RAPGEF4: variants seen among roughly 807,000 people sequenced by gnomAD.
RAPGEF4 encodes the protein Rap guanine nucleotide exchange factor 4.
A neutral mutation model predicts 147.9 loss-of-function variants in RAPGEF4; 66 were observed. The ratio of observed to expected loss-of-function variants is 0.45; its 90% CI spans 0.37 to 0.55. The LOEUF is 0.55. Ranked by LOEUF, RAPGEF4 falls within the 20% of genes least tolerant of loss-of-function variation. The probability of loss-of-function intolerance (pLI) is 0.00; values close to 1 mark genes in which losing one functional copy is unlikely to be tolerated. For missense variants in RAPGEF4, 1,071 were observed against 1,257.3 expected, an observed-to-expected ratio of 0.85 and a Z score of 2.24; for synonymous variants, 419 against 442.7, an observed-to-expected ratio of 0.95 and a Z score of 0.67.
At chr2:172,757,303 G>A (rs968329946) in intron 1 of RAPGEF4, among the ~76,000 whole-genome samples, 21 of 152,306 alleles carry the variant, frequency 1.4e-4, no homozygotes, top group Admixed American at 9.1e-4. Context: ...AGCATACTGA[G>A]TATCATTTTT....
intron 4 of RAPGEF4, among the ~76,000 whole-genome samples, chr2:172,886,078 T>G (rs979178005): frequency 6.6e-6 from 1 of 152,214 alleles, no homozygotes; most frequent in Non-Finnish European, 1.5e-5. Flanking sequence ...ATTTGCACTC[T>G]TTTGTTTACC....
intron 15 of RAPGEF4, 71 bp from the exon 16 acceptor site, chr2:172,996,395 A>T: frequency 6.2e-6 from 5 of 805,898 alleles, no homozygotes; most frequent in Non-Finnish European, 5.8e-6. Context: ...AAAAAAACTT[A>T]GATAAGTAAA....
chr2:172,814,182 GT>G, intron 3 of RAPGEF4, 96 bp from the exon 4 acceptor site: 1 of 1,261,862 alleles, frequency 7.9e-7, no homozygotes, highest in Non-Finnish European at 1.1e-6. Context: ...TAAATTGGGT[GT>G]TTTGCCTTGT....
intron 4 of RAPGEF4, among the ~76,000 whole-genome samples, chr2:172,843,102 G>A (rs909644725): frequency 2.6e-5 from 4 of 152,180 alleles, no homozygotes; most frequent in Non-Finnish European, 4.4e-5. Context: ...GTGCAGGATC[G>A]TTGGAGGTGG....
At chr2:172,790,741 C>G (rs1685728384) in intron 1 of RAPGEF4, among the ~76,000 whole-genome samples, 1 of 152,178 alleles carries the variant, frequency 6.6e-6, no homozygotes, top group Non-Finnish European at 1.5e-5. Flanking sequence ...ATTCATGTCT[C>G]AACATGTGCT....
intron 3 of RAPGEF4, among the ~76,000 whole-genome samples, chr2:172,801,664 G>C (rs573514560): frequency 6.6e-6 from 1 of 152,166 alleles, no homozygotes; most frequent in African/African-American, 2.4e-5. Context: ...TAAAGCTGCT[G>C]GGTATCTGGG....
intron 4 of RAPGEF4, among the ~76,000 whole-genome samples, chr2:172,906,281 A>G (rs1699620878): frequency 6.6e-6 from 1 of 152,206 alleles, no homozygotes; most frequent in Non-Finnish European, 1.5e-5. Context: ...CTAGTGGAAC[A>G]TAATGAATGG....
chr2:172,993,845 A>G (rs1239285329), intron 15 of RAPGEF4, among the ~76,000 whole-genome samples: 2 of 152,184 alleles, frequency 1.3e-5, no homozygotes, highest in Admixed American at 6.5e-5. Flanking sequence ...TAAGGTGGCC[A>G]CAGCAACTGT....
intron 4 of RAPGEF4, among the ~76,000 whole-genome samples, chr2:172,861,218 G>A (rs1378494782): frequency 1.3e-5 from 2 of 152,152 alleles, no homozygotes; most frequent in African/African-American, 2.4e-5. Flanking sequence ...CAAGAGCGAA[G>A]CAAGATGGAA....
At chr2:172,978,589 C>A (rs754588618) in intron 10 of RAPGEF4, among the ~76,000 whole-genome samples, 8 of 152,200 alleles carry the variant, frequency 5.3e-5, no homozygotes, top group Non-Finnish European at 8.8e-5. Flanking sequence ...GGGGCCTGAC[C>A]AAGTGGTGGG....
chr2:173,001,382 G>A lies in RAPGEF4; in HGVS notation c.1658+38G>A, dbSNP rs189542183. On this transcript the variant is annotated intron_variant, in intron 17 of 30. Coordinates refer to ENST00000397081, the MANE Select transcript of RAPGEF4 (RefSeq NM_007023.4). ...TGTGATTGTAAGTCCCTATTCCCTC[G>A]AAGACAACCCCCCCTATCGAGGGCC... 1,399 of 1,611,028 alleles carry A rather than the reference G, an allele frequency of 8.7e-4. 6 individuals carry two copies. The highest frequency in any genetic ancestry group is 4.5e-3 in the Middle Eastern group (27 of 6,052).
intron 4 of RAPGEF4, among the ~76,000 whole-genome samples, chr2:172,832,607 G>A (rs181280596): frequency 6.6e-6 from 1 of 152,138 alleles, no homozygotes; most frequent in African/African-American, 2.4e-5. Flanking sequence ...CATGCAGAAT[G>A]ACCCAAACTA....
At chr2:172,743,536 G>T (rs191756882) in intron 1 of RAPGEF4, among the ~76,000 whole-genome samples, 1 of 152,234 alleles carries the variant, frequency 6.6e-6, no homozygotes, top group African/African-American at 2.4e-5. Context: ...TTGTCTGTTG[G>T]ATATTCCCAC....
intron 4 of RAPGEF4, among the ~76,000 whole-genome samples, chr2:172,821,402 G>A (rs16860929): frequency 0.01 from 1,557 of 152,238 alleles, 29 homozygotes; most frequent in African/African-American, 0.035. Flanking sequence ...TCAGGAGCCC[G>A]AGCTTACTTT....
At chr2:173,016,293 G>A in intron 18 of RAPGEF4, 56 bp from the exon 19 acceptor site, 2 of 1,251,534 alleles carry the variant, frequency 1.6e-6, no homozygotes, top group Admixed American at 1.7e-5. Context: ...GCTCTTGACA[G>A]AATCATGTGC....
Position 172,990,919 on chromosome 2 carries a change from A to C in RAPGEF4, c.1484A>C (p.Gln495Pro), listed in dbSNP as rs1692769205. Residue 495 changes from glutamine to proline, a missense_variant, in exon 15 of 31, where the codon CAG becomes CCG. Transcript: ENST00000397081. ...RASNQGNSQPQQKYTVMSGTP... is the reference protein window; with the variant it reads ...RASNQGNSQPPQKYTVMSGTP... ...TCTAATCAAGGAAACTCACAGCCTC[A>C]GCAAAAGTATGTTTGCATCCAACAC... 6.2e-7 allele frequency: 1 copy of C among 1,610,758 alleles called. No individual in the cohort carries two copies.
At position 172,965,626 on chromosome 2, in the gene RAPGEF4, C is replaced by T. The variant is rs749058892; in HGVS notation, c.763C>T (p.Arg255Trp). ...MMQQTPCVHS[R>W]TQAVGMWQVL... is the part of the protein sequence containing the mutation. ...GCAGCAGACACCATGTGTTCACTCC[C>T]GGACTCAAGCTGTTGGCATGTGGCA... Residue 255 changes from arginine (R) to tryptophan (W), a missense_variant, in exon 9 of 31, where the codon CGG becomes TGG. Physicochemically the swap from Arg to Trp is moderately radical, Grantham distance 101. Transcript: ENST00000397081. 1.4e-5 allele frequency: 23 copies of T among 1,614,104 alleles called. No individual in the cohort carries two copies. The highest frequency in any genetic ancestry group is 2.2e-5 in the South Asian group (2 of 91,072).
intron 4 of RAPGEF4, among the ~76,000 whole-genome samples, chr2:172,902,890 C>T (rs1023791343): frequency 3.9e-5 from 6 of 152,140 alleles, no homozygotes; most frequent in East Asian, 1.9e-4. Context: ...AGCTGTATTA[C>T]GGTGATTCCT....
intron 3 of RAPGEF4, among the ~76,000 whole-genome samples, chr2:172,813,796 C>G (rs1334274905): frequency 1.3e-5 from 2 of 152,144 alleles, no homozygotes; most frequent in Non-Finnish European, 2.9e-5. Flanking sequence ...ATAATATCCT[C>G]AAAGTAGAAA....
Sources: allele counts gnomAD v4.1 joint callset (sites outside exome capture counted in the v4.1 genomes callset), GRCh38; gene constraint gnomAD v4.1.1; transcripts MANE v1.5; gene names NCBI Gene and HGNC (gene_info 2026-07-23, HGNC 2026-07-21).